Variants in BIN2 observed in about 807,000 individuals in gnomAD.
BIN2 encodes breast cancer associated protein BRAP1.
BIN2 carries 43 observed loss-of-function variants against 67.9 expected under a neutral mutation model. The observed-to-expected ratio is 0.63, with a 90% CI of 0.50 to 0.82. The LOEUF (loss-of-function observed/expected upper bound fraction) is 0.82. BIN2 is among the 40% of genes least tolerant of loss of function. The pLI is 0.00. For synonymous variants in BIN2, 244 were observed against 246.8 expected, an observed-to-expected ratio of 0.99 and a Z score of 0.11; for missense variants, 581 against 671.6, an observed-to-expected ratio of 0.87 and a Z score of 1.49.
intron 11 of BIN2, among the ~76,000 whole-genome samples, chr12:51,287,236 G>A (rs3969069): frequency 0.82 from 125,012 of 152,100 alleles, 52,581 homozygotes; most frequent in East Asian, 0.94. Context: ...CTACAGTGTC[G>A]AACACCTGGG....
At chr12:51,321,834 G>A (rs1375134695) in intron 1 of BIN2, among the ~76,000 whole-genome samples, 1 of 152,208 alleles carries the variant, frequency 6.6e-6, no homozygotes, top group Non-Finnish European at 1.5e-5. Flanking sequence ...AAAGCAAAAA[G>A]TGTTGCAAGG....
At position 51,299,607 on chromosome 12, in the gene BIN2, C is replaced by G. The variant is rs1945665214; in HGVS notation, c.516G>C (p.Lys172Asn). Reference sequence around the variant, plus strand: ...GTTTTTGTTGTTGTTTTTGTTTTACCTTGGCAGTCTTGGCCTCATCTTTCT... The same window carrying G: ...GTTTTTGTTGTTGTTTTTGTTTTACGTTGGCAGTCTTGGCCTCATCTTTCT... ...AKKKDEAKTA[K>N]AEEEFNKAQT... Residue 172 changes from lysine (K) to asparagine (N), a missense_variant and splice_region_variant, in exon 6 of 13, where the codon AAG becomes AAC. Coordinates refer to ENST00000615107, the MANE Select transcript of BIN2 (RefSeq NM_016293.4). 4 of 1,613,594 alleles carry G rather than the reference C, an allele frequency of 2.5e-6. No individual in the cohort carries two copies. The East Asian group carries it at 8.9e-5, about 36-fold the overall frequency.
chr12:51,285,114 C>T (rs1019142563), intron 11 of BIN2, among the ~76,000 whole-genome samples: 10 of 152,036 alleles, frequency 6.6e-5, no homozygotes, highest in East Asian at 1.9e-4. Flanking sequence ...TAAGGGAGTG[C>T]GAGGTCTTAA....
chr12:51,298,788 G>A (rs1372278063), intron 7 of BIN2, among the ~76,000 whole-genome samples: 1 of 152,080 alleles, frequency 6.6e-6, no homozygotes, highest in Non-Finnish European at 1.5e-5. Context: ...GGAAAATCTG[G>A]CTGGGCATGG....
Position 51,321,616 on chromosome 12 carries a change from C to T in BIN2, c.81+2406G>A, listed in dbSNP as rs142898011. On this transcript the variant is annotated intron_variant, in intron 1 of 12. Coordinates refer to ENST00000615107, the MANE Select transcript of BIN2 (RefSeq NM_016293.4). Reference sequence around the variant, plus strand: ...GTTTCTCCATGTTGGTCAGGCTGGTCTCGAACTCCCGACCTCAGGAGATCC... The same window carrying T: ...GTTTCTCCATGTTGGTCAGGCTGGTTTCGAACTCCCGACCTCAGGAGATCC... Among the ~76,000 whole-genome samples, 1,051 of 152,280 alleles carry T rather than the reference C, an allele frequency of 6.9e-3. 15 individuals are homozygous for T. The highest frequency in any genetic ancestry group is 0.024 in the African/African-American group (996 of 41,552).
chr12:51,295,597 T>TATATAA lies in BIN2; in HGVS notation c.761+198_761+199insTTATAT, dbSNP rs1945541018. Among the ~76,000 whole-genome samples the TATATAA allele has an allele frequency of 1.1e-4, 2 of 17,616 alleles. 1 individual carries two copies. The highest frequency in any genetic ancestry group is 3.8e-3 in the South Asian group (2 of 522). The allele number at this position is 17,616 out of a possible 152,430, so 11.6% of individuals were successfully genotyped here. On this transcript the variant is annotated intron_variant, in intron 9 of 12. Transcript: ENST00000615107. The stretch of plus-strand genomic sequence containing the variant: ...AAAAAAATATATATATATATATATA[T>TATATAA]ATATATATATATATATATATATATA...
upstream of BIN2, chr12:51,324,502 A>G (rs1946380811): frequency 2.6e-6 from 4 of 1,531,018 alleles, no homozygotes; most frequent in Non-Finnish European, 3.5e-6. Context: ...CCACTCAGCG[A>G]GAGGACCTAC....
At chr12:51,305,522 G>C (rs1439613024) in intron 2 of BIN2, among the ~76,000 whole-genome samples, 2 of 151,308 alleles carry the variant, frequency 1.3e-5, no homozygotes, top group Non-Finnish European at 2.9e-5. Flanking sequence ...TACTCAGGAG[G>C]CTGAGGCAGG....
At chr12:51,314,183 G>A (rs1946067286) in intron 1 of BIN2, among the ~76,000 whole-genome samples, 2 of 152,006 alleles carry the variant, frequency 1.3e-5, no homozygotes, top group Non-Finnish European at 2.9e-5. Context: ...GAGTAGCTGG[G>A]ATTACAGGCG....
At chr12:51,303,245 A>T in intron 2 of BIN2, 104 bp from the exon 3 acceptor site, 1 of 1,098,982 alleles carries the variant, frequency 9.1e-7, no homozygotes, top group East Asian at 2.4e-5. Context: ...TCACACCTGG[A>T]ATTTCTCTAA....
In BIN2 at chr12:51,281,321, A is replaced by G. The variant is rs1945115074; in HGVS notation, c.*178T>C. Reference sequence around the variant, plus strand: ...TCTTCTCCCCAGCCTGCCTCCCTCCATCCCTCCCGTAAGGCTGCTCCTCCG... The same window carrying G: ...TCTTCTCCCCAGCCTGCCTCCCTCCGTCCCTCCCGTAAGGCTGCTCCTCCG... On this transcript the variant is annotated 3_prime_UTR_variant, in exon 13 of 13. Transcript: ENST00000615107. 17 of 635,904 alleles carry G rather than the reference A, an allele frequency of 2.7e-5. No homozygotes were observed. The South Asian group carries it at 3.1e-4, about 12-fold the overall frequency. 39.4% of individuals were successfully genotyped at this position (635,904 alleles called of 1,614,324 possible).
At chr12:51,307,396 G>C (rs1457100946) in intron 2 of BIN2, among the ~76,000 whole-genome samples, 1 of 151,420 alleles carries the variant, frequency 6.6e-6, no homozygotes, top group African/African-American at 2.4e-5. Context: ...ATACAATAAA[G>C]TAATAAAAAC....
At chr12:51,286,300 C>T (rs1343621008) in intron 11 of BIN2, among the ~76,000 whole-genome samples, 4 of 152,132 alleles carry the variant, frequency 2.6e-5, no homozygotes, top group Non-Finnish European at 5.9e-5. Flanking sequence ...ATCTAAGATG[C>T]TCTAGTTGCT....
intron 11 of BIN2, among the ~76,000 whole-genome samples, chr12:51,286,719 G>T (rs997432644): frequency 6.6e-6 from 1 of 152,116 alleles, no homozygotes; most frequent in African/African-American, 2.4e-5. Flanking sequence ...TCAAAACCCC[G>T]CATCTATCCT....
Position 51,313,766 on chromosome 12 carries a change from T to C in BIN2, c.162+57A>G, listed in dbSNP as rs377417641. On this transcript the variant is annotated intron_variant, in intron 2 of 12. Coordinates refer to ENST00000615107, the MANE Select transcript of BIN2 (RefSeq NM_016293.4). ...GCAGAACTTATTGTTCTTCTGCCAC[T>C]CAGCCCTCGTGTCTCCTTTCTTCTT... 1.9e-4 allele frequency: 273 copies of C among 1,460,108 alleles called. 1 individual carries two copies. In the African/African-American group the frequency reaches 3.2e-3, roughly 17 times the overall value. 90.4% of individuals were successfully genotyped at this position (1,460,108 alleles called of 1,614,324 possible).
chr12:51,295,902 G>A (rs767785621), intron 8 of BIN2, 24 bp from the exon 9 acceptor site: 2 of 1,600,916 alleles, frequency 1.2e-6, no homozygotes, highest in Non-Finnish European at 1.7e-6. Flanking sequence ...GAAAGAAGGG[G>A]ATGCTAGCCA....
At chr12:51,283,854 C>T (rs1297424521) in intron 12 of BIN2, among the ~76,000 whole-genome samples, 1 of 151,752 alleles carries the variant, frequency 6.6e-6, no homozygotes, top group Non-Finnish European at 1.5e-5. Flanking sequence ...ATTAGCTGGG[C>T]GTGGTGGCGC....
At chr12:51,295,747 C>T in intron 9 of BIN2, 49 bp downstream of exon 9, 2 of 1,493,732 alleles carry the variant, frequency 1.3e-6, no homozygotes, top group Non-Finnish European at 9.3e-7. Flanking sequence ...ATGTTGAATA[C>T]ATTCACACAC....
In BIN2 at chr12:51,324,133, G is replaced by T. The variant is rs1946370474; in HGVS notation, c.-31C>A. ...CAACTCCCTGGGGGCCGCCGCCCTG[G>T]CCCCGCGCCCTGTGGTTTTCTGAGG... On this transcript the variant is annotated 5_prime_UTR_variant, in exon 1 of 13. Transcript: ENST00000615107. The T allele has an allele frequency of 3.1e-6, 5 of 1,609,442 alleles. No homozygotes were observed. The African/African-American group carries it at 4.0e-5, about 13-fold the overall frequency.
Sources: allele counts gnomAD v4.1 joint callset (sites outside exome capture counted in the v4.1 genomes callset), GRCh38; gene constraint gnomAD v4.1.1; transcripts MANE v1.5; gene names NCBI Gene and HGNC (gene_info 2026-07-23, HGNC 2026-07-21).